Variants in MYH10 observed in about 807,000 individuals in gnomAD.
MYH10 encodes myosin-10.
A neutral mutation model predicts 257.8 loss-of-function variants in MYH10; 55 were observed. The ratio of observed to expected loss-of-function variants is 0.21; its 90% CI spans 0.17 to 0.27. MYH10 has a LOEUF of 0.27. Among genes scored for constraint, MYH10 ranks in the 10% least tolerant of loss-of-function variants. The pLI, the probability that MYH10 is intolerant of heterozygous loss-of-function variation, is 1.00. For synonymous variants in MYH10, 854 were observed against 921.7 expected, an observed-to-expected ratio of 0.93 and a Z score of 1.33; for missense variants, 1,631 against 2,500.6, an observed-to-expected ratio of 0.65 and a Z score of 7.42.
At chr17:8,496,246 G>A (rs1158842912) in intron 30 of MYH10, among the ~76,000 whole-genome samples, 1 of 152,254 alleles carries the variant, frequency 6.6e-6, no homozygotes, top group Non-Finnish European at 1.5e-5. Flanking sequence ...GTTCTCGCTA[G>A]TCCTCGTCAC....
intron 4 of MYH10, among the ~76,000 whole-genome samples, chr17:8,580,487 G>A (rs1203959179): frequency 1.3e-5 from 2 of 151,848 alleles, no homozygotes; most frequent in East Asian, 3.9e-4. Context: ...AAACAAGCAA[G>A]GATCATGTTT....
chr17:8,548,739 C>G lies in MYH10; in HGVS notation c.968G>C (p.Gly323Ala). 1 of 1,613,388 alleles carries G rather than the reference C, an allele frequency of 6.2e-7. No homozygotes were observed. The highest frequency in any genetic ancestry group is 8.5e-7 in the Non-Finnish European group (1 of 1,179,414). ...TTGCTGTCCCGGAATAGGAATATAG[C>G]CATTGGAGAGAAACCTGTAGTTATT... is the stretch of plus-strand genomic sequence containing the variant. ...GFNNYRFLSNGYIPIPGQQDK... is the reference protein window; with the variant it reads ...GFNNYRFLSNAYIPIPGQQDK... The change falls in exon 10 of 43, where the codon GGC (glycine) becomes GCC (alanine). Residue 323 changes from glycine (G) to alanine (A), a missense_variant. By Grantham distance (60) the Gly-to-Ala change is moderately conservative (BLOSUM62 0). Transcript: ENST00000360416.
chr17:8,599,964 A>AG (rs1199740716), intron 3 of MYH10, among the ~76,000 whole-genome samples: 1 of 152,174 alleles, frequency 6.6e-6, no homozygotes, highest in Non-Finnish European at 1.5e-5. Flanking sequence ...CAGGGAGTAG[A>AG]GGGGCAAGGA....
At chr17:8,613,247 A>G (rs1220317019) in intron 2 of MYH10, among the ~76,000 whole-genome samples, 1 of 152,224 alleles carries the variant, frequency 6.6e-6, no homozygotes, top group Non-Finnish European at 1.5e-5. Context: ...AAACCAAAAA[A>G]ACTTCAAAAA....
intron 1 of MYH10, among the ~76,000 whole-genome samples, chr17:8,625,273 A>T (rs1390452426): frequency 5.3e-5 from 8 of 152,290 alleles, no homozygotes; most frequent in East Asian, 1.9e-4. Flanking sequence ...AAATAAATTT[A>T]AAAAAATAAT....
rs540315773 is a variant in MYH10 at position 8,595,624 on chromosome 17, T to C, written c.503-6516A>G. Among the ~76,000 whole-genome samples, 112 of 152,018 alleles carry C rather than the reference T, an allele frequency of 7.4e-4. 1 individual carries two copies. The highest frequency in any genetic ancestry group is 2.1e-4 in the Non-Finnish European group (14 of 67,952). On this transcript the variant is annotated intron_variant, in intron 3 of 42. Transcript: ENST00000360416. ...ATTTTGTATTTTTAGTAGAGACAGT[T>C]TTCTCCATATTGGTCAGGCTGGTCT...
intron 3 of MYH10, among the ~76,000 whole-genome samples, chr17:8,597,050 G>A (rs2084399622): frequency 6.6e-6 from 1 of 152,172 alleles, no homozygotes. Context: ...ATGCACTTGT[G>A]TCTACTGAAA....
Position 8,535,519 on chromosome 17 carries a change from C to G in MYH10, c.1780-18G>C. 6.3e-7 allele frequency: 1 copy of G among 1,577,044 alleles called. No individual in the cohort carries two copies. Reference sequence around the variant, plus strand: ...TAGTCCACCTATCCCGCACCAAAGCCAAAAGTGGTGAAATGGAGAACACAA... The same window carrying G: ...TAGTCCACCTATCCCGCACCAAAGCGAAAAGTGGTGAAATGGAGAACACAA... On this transcript the variant is annotated intron_variant, in intron 15 of 42. Coordinates refer to ENST00000360416, the MANE Select transcript of MYH10 (RefSeq NM_001256012.3). The surrounding 1 kb of genome is among the most constrained non-coding windows in gnomAD (Gnocchi z 4.3).
At position 8,546,374 on chromosome 17, in the gene MYH10, C is replaced by T. The variant is rs760031579; in HGVS notation, c.1278+170G>A. Among the ~76,000 whole-genome samples the T allele has an allele frequency of 2.0e-4, 29 of 146,896 alleles. No homozygotes were observed. In the East Asian group the frequency reaches 3.2e-3, roughly 16 times the overall value. ...GGCCCCGGCCCCTTTTAAATTTTTT[C>T]GAAAACGAAAAAGTAAATATACTTA... On this transcript the variant is annotated intron_variant, in intron 12 of 42. Transcript: ENST00000360416.
intron 2 of MYH10, among the ~76,000 whole-genome samples, chr17:8,610,294 G>C (rs973410220): frequency 4.5e-5 from 1 of 22,002 alleles, no homozygotes; most frequent in Non-Finnish European, 7.9e-5. Context: ...AAAAAAAAAG[G>C]GTTGGGGGAA....
At chr17:8,610,493 A>C (rs923705150) in intron 2 of MYH10, among the ~76,000 whole-genome samples, 1 of 152,032 alleles carries the variant, frequency 6.6e-6, no homozygotes, top group Non-Finnish European at 1.5e-5. Context: ...ATTAAAAGTG[A>C]TATAACAATT....
At chr17:8,531,573 T>C (rs1054788728) in intron 16 of MYH10, among the ~76,000 whole-genome samples, 2 of 149,196 alleles carry the variant, frequency 1.3e-5, no homozygotes, top group South Asian at 2.1e-4. Context: ...TTTTTTTCAG[T>C]TGAGACAGGG....
At chr17:8,513,759 A>T (rs772752560) in intron 22 of MYH10, 27 bp downstream of exon 22, 3 of 1,612,098 alleles carry the variant, frequency 1.9e-6, no homozygotes, top group African/African-American at 2.7e-5. Context: ...TTTGAAAGGG[A>T]TCTGGAAAGA....
rs987478509 is a variant in MYH10, at chr17:8,513,580, C to T, written c.2703G>A (p.Lys901=). ...CCATCTCCTCCAGCTCTCCTTCCAC[C>T]TTCGTCTGCTTCTCCTTCACCTTCA... The part of the protein sequence containing the change: ...ELLKVKEKQT[K]VEGELEEMER... Residue 901 remains lysine, a synonymous_variant, in exon 23 of 43, where the codon AAG becomes AAA. Transcript: ENST00000360416. 6 of 1,614,034 alleles carry T rather than the reference C, an allele frequency of 3.7e-6. No homozygotes were observed. The Admixed American group carries it at 6.7e-5, about 18-fold the overall frequency.
chr17:8,513,309 G>A (rs2081359503), intron 23 of MYH10, among the ~76,000 whole-genome samples: 2 of 152,218 alleles, frequency 1.3e-5, no homozygotes, highest in African/African-American at 2.4e-5. Context: ...AAAGATGCAA[G>A]AGGTAAGGTT....
At chr17:8,499,192 T>A in intron 30 of MYH10, 78 bp downstream of exon 30, 1 of 1,442,210 alleles carries the variant, frequency 6.9e-7, no homozygotes, top group Non-Finnish European at 9.5e-7. Flanking sequence ...ATGGGTCTCT[T>A]ATTGCACAGA....
intron 9 of MYH10, among the ~76,000 whole-genome samples, chr17:8,550,902 C>T (rs573230931): frequency 3.9e-4 from 57 of 146,478 alleles, no homozygotes; most frequent in Non-Finnish European, 5.0e-4. Flanking sequence ...GGATTAAGGG[C>T]GGTGCAAGAT....
At position 8,622,912 on chromosome 17, in the gene MYH10, C is replaced by G; in HGVS notation, c.335G>C (p.Gly112Ala). The G allele has an allele frequency of 6.2e-7, 1 of 1,613,908 alleles. No homozygotes were observed. The highest frequency in any genetic ancestry group is 1.6e-4 in the Middle Eastern group (1 of 6,062). ...LHNLKDRYYS[G>A]LIYTYSGLFC... ...GGAAGAAATACTTACATAGATTAGT[C>G]CTGAATAGTAGCGATCCTTCAGATT... Residue 112 changes from glycine (G) to alanine (A), a missense_variant, in exon 2 of 43, where the codon GGA becomes GCA. Around this residue, in one of 11 missense-constraint regions of MYH10, gnomAD observed 360 missense variants for 581.9 expected, o/e 0.62. Transcript: ENST00000360416.
chr17:8,583,409 CT>C (rs77622480), intron 4 of MYH10, among the ~76,000 whole-genome samples: 141 of 145,978 alleles, frequency 9.7e-4, no homozygotes, highest in Middle Eastern at 3.5e-3. Flanking sequence ...TAAATAATAC[CT>C]TTTTTTTTTT....
Sources: gnomAD v4.1 joint callset for allele counts (sites outside exome capture counted in the v4.1 genomes callset) on GRCh38, gnomAD v4.1.1 for gene constraint, gnomAD v4.1.1 regional missense constraint, Gnocchi (gnomAD v3.1) non-coding constraint, MANE v1.5 for transcripts, NCBI Gene and HGNC (gene_info 2026-07-23, HGNC 2026-07-21) for gene names.